MEI1: variants seen among roughly 807,000 people sequenced by gnomAD.
The protein encoded by MEI1 is meiotic double-stranded break formation protein 1, also known as meiosis inhibitor protein 1.
In MEI1, 103 loss-of-function variants were observed where a neutral mutation model predicts 146.2. The observed-to-expected ratio is 0.70, with a 90% CI of 0.60 to 0.83. The LOEUF (loss-of-function observed/expected upper bound fraction) is 0.83, where lower values mean the gene tolerates loss of function less well. Among genes scored for constraint, MEI1 ranks in the 40% least tolerant of loss-of-function variants. The pLI, the probability that MEI1 is intolerant of heterozygous loss-of-function variation, is 0.00. For synonymous variants in MEI1, 652 were observed against 628.2 expected, an observed-to-expected ratio of 1.04 and a Z score of -0.57; for missense variants, 1,529 against 1,533.0, an observed-to-expected ratio of 1.00 and a Z score of 0.04.
intron 4 of MEI1, 149 bp downstream of exon 4, chr22:41,714,224 G>C: frequency 1.4e-6 from 1 of 695,608 alleles, no homozygotes; most frequent in Non-Finnish European, 2.4e-6. Flanking sequence ...CAGAGCTAAG[G>C]CCTGGGTCCA....
chr22:41,718,224 T>G lies in MEI1; in HGVS notation c.683T>G (p.Leu228Arg). 1 of 1,613,962 alleles carries G rather than the reference T, an allele frequency of 6.2e-7. No individual in the cohort carries two copies. The highest frequency in any genetic ancestry group is 8.5e-7 in the Non-Finnish European group (1 of 1,179,872). ...HFREKLFPLF[L>R]SILDGAQTKE... ...CGTGAGAAGCTTTTTCCCCTCTTCC[T>G]TTCCATCCTGGATGGTGCCCAGACA... The change falls in exon 6 of 31, where the codon CTT (leucine) becomes CGT (arginine). Residue 228 changes from leucine (L) to arginine (R), a missense_variant. By Grantham distance (102) the Leu-to-Arg change is moderately radical. Coordinates refer to ENST00000401548, the MANE Select transcript of MEI1 (RefSeq NM_152513.4).
At chr22:41,700,125 C>G (rs527405854) in intron 1 of MEI1, among the ~76,000 whole-genome samples, 1 of 152,206 alleles carries the variant, frequency 6.6e-6, no homozygotes, top group Non-Finnish European at 1.5e-5. Flanking sequence ...CACTCACCTG[C>G]GGGCCAGGGG....
chr22:41,794,284 C>G, intron 27 of MEI1, 87 bp from the exon 28 acceptor site: 1 of 1,155,306 alleles, frequency 8.7e-7, no homozygotes, highest in Non-Finnish European at 1.3e-6. Context: ...CTGGGTAGCC[C>G]CTTTTTAAGC....
chr22:41,749,540 G>A (rs374600172), intron 15 of MEI1, among the ~76,000 whole-genome samples: 43 of 152,186 alleles, frequency 2.8e-4, no homozygotes, highest in African/African-American at 1.0e-3. Flanking sequence ...CTCCCAAAGT[G>A]CTGGGGTTAC....
chr22:41,707,058 C>A (rs560654700), intron 3 of MEI1, among the ~76,000 whole-genome samples: 80 of 147,586 alleles, frequency 5.4e-4, no homozygotes, highest in Non-Finnish European at 9.2e-4. Flanking sequence ...AAAAAATTAG[C>A]CGGGCGCGGT....
intron 26 of MEI1, among the ~76,000 whole-genome samples, chr22:41,787,678 G>A (rs1282621121): frequency 6.6e-6 from 1 of 152,156 alleles, no homozygotes; most frequent in Admixed American, 6.5e-5. Context: ...AAGCGCTGAT[G>A]TTCCTGTTTT....
At chr22:41,737,677 A>G (rs2072500027) in intron 11 of MEI1, among the ~76,000 whole-genome samples, 1 of 151,710 alleles carries the variant, frequency 6.6e-6, no homozygotes, top group African/African-American at 2.4e-5. Context: ...AAATAGCTGG[A>G]ATTACAGGCG....
intron 15 of MEI1, among the ~76,000 whole-genome samples, chr22:41,749,843 G>T (rs1310436350): frequency 1.3e-5 from 2 of 151,952 alleles, no homozygotes; most frequent in Admixed American, 1.3e-4. Context: ...TGGCTTCTAT[G>T]TGGATGGTGG....
intron 9 of MEI1, among the ~76,000 whole-genome samples, chr22:41,731,380 G>A (rs371168254): frequency 1.3e-5 from 2 of 148,626 alleles, no homozygotes; most frequent in East Asian, 2.0e-4. Context: ...ACGGAGTCCT[G>A]CTCTGTCACC....
Position 41,700,749 on chromosome 22 carries a change from A to ATTTTT in MEI1, c.174+1059_174+1063dup, listed in dbSNP as rs78862314. On this transcript the variant is annotated intron_variant, in intron 1 of 30. Transcript: ENST00000401548. The stretch of plus-strand genomic sequence containing the variant: ...GGATTGGCTAGATCAGCAGTTCTCA[A>ATTTTT]TTTTTTTTTTTTTTTTTTTTTTTTT... Among the ~76,000 whole-genome samples the ATTTTT allele has an allele frequency of 4.8e-3, 562 of 117,578 alleles. 40 individuals are homozygous for ATTTTT. The highest frequency in any genetic ancestry group is 0.02 in the African/African-American group (524 of 26,244). 77.1% of individuals were successfully genotyped at this position (117,578 alleles called of 152,430 possible).
Position 41,716,101 on chromosome 22 carries a change from G to A in MEI1, c.484G>A (p.Val162Met), listed in dbSNP as rs766166171. The change falls in exon 5 of 31, where the codon GTG (valine) becomes ATG (methionine). Residue 162 changes from valine to methionine, a missense_variant. Val to Met is a conservative substitution (Grantham distance 21). Transcript: ENST00000401548. ...LATLTLLGKL[V>M]DAIPALADEL... is the part of the protein sequence containing the mutation. ...CACCCTGACCCTTCTTGGCAAGTTG[G>A]TGGATGCCATCCCTGCTCTGGCAGA... The A allele has an allele frequency of 5.0e-6, 8 of 1,611,828 alleles. No homozygotes were observed. The South Asian group carries it at 5.5e-5, about 11-fold the overall frequency.
intron 3 of MEI1, chr22:41,709,298 T>A (rs760335017): frequency 3.7e-6 from 3 of 814,110 alleles, no homozygotes; most frequent in Non-Finnish European, 4.3e-6. Flanking sequence ...GTTATTCCCT[T>A]CCTTGCCAGC....
chr22:41,707,855 G>A (rs1257301755), intron 3 of MEI1, among the ~76,000 whole-genome samples: 1 of 152,226 alleles, frequency 6.6e-6, no homozygotes, highest in African/African-American at 2.4e-5. Flanking sequence ...GATTTGCAGA[G>A]TCCAGTCTTA....
intron 19 of MEI1, among the ~76,000 whole-genome samples, chr22:41,765,151 G>T: frequency 6.6e-6 from 1 of 152,110 alleles, no homozygotes; most frequent in East Asian, 1.9e-4. Context: ...ATTACAGTGG[G>T]ATTATAGGCA....
At chr22:41,710,617 T>C (rs1358794720) in intron 3 of MEI1, among the ~76,000 whole-genome samples, 1 of 152,124 alleles carries the variant, frequency 6.6e-6, no homozygotes, top group Non-Finnish European at 1.5e-5. Context: ...GCTGATAGAG[T>C]ATGGGATAAG....
At chr22:41,769,391 A>T (rs1269993989) in intron 19 of MEI1, among the ~76,000 whole-genome samples, 1 of 152,158 alleles carries the variant, frequency 6.6e-6, no homozygotes, top group Admixed American at 6.6e-5. Context: ...CTCTTAACTC[A>T]TATCATACAC....
intron 30 of MEI1, 149 bp from the exon 31 acceptor site, chr22:41,799,105 C>G: frequency 1.5e-6 from 1 of 669,076 alleles, no homozygotes; most frequent in Non-Finnish European, 2.6e-6. Context: ...CCCAGGTGTT[C>G]AGGACCCAAT....
rs948888107 is a variant in MEI1, at chr22:41,748,015, G to C, written c.1681-92G>C. The C allele has an allele frequency of 1.2e-4, 96 of 802,158 alleles. 1 individual carries two copies. In the Admixed American group the frequency reaches 2.0e-3, roughly 17 times the overall value. 49.7% of individuals were successfully genotyped at this position (802,158 alleles called of 1,614,324 possible). On this transcript the variant is annotated intron_variant, in intron 14 of 30. Transcript: ENST00000401548. Reference sequence around the variant, plus strand: ...TTTTGTTGTGTCTTTCAAGTGAAAGGAGTTGCTAGATTTGATGTGAGTTTT... The same window carrying C: ...TTTTGTTGTGTCTTTCAAGTGAAAGCAGTTGCTAGATTTGATGTGAGTTTT...
chr22:41,781,766 C>T lies in MEI1; in HGVS notation c.3008C>T (p.Ser1003Phe), dbSNP rs369129509. 4.3e-6 allele frequency: 7 copies of T among 1,614,006 alleles called. No homozygotes were observed. Among genetic ancestry groups the T allele is most frequent in the Non-Finnish European group, 5.9e-6 (7 of 1,179,900 alleles). ...GCCCTCACCTTGGCAAAGGCAGATT[C>T]TCCCAGGACTGCACTCCTCTGCTCT... is the stretch of plus-strand genomic sequence containing the variant. ...MLALTLAKAD[S>F]PRTALLCSAW... The change falls in exon 24 of 31, where the codon TCT becomes TTT. Residue 1003 changes from serine to phenylalanine, a missense_variant. Transcript: ENST00000401548.
Sources: gnomAD v4.1 joint callset for allele counts (sites outside exome capture counted in the v4.1 genomes callset) on GRCh38, gnomAD v4.1.1 for gene constraint, MANE v1.5 for transcripts, NCBI Gene and HGNC (gene_info 2026-07-23, HGNC 2026-07-21) for gene names.